RYR2: variants seen among roughly 807,000 people sequenced by gnomAD.
RYR2 encodes ryanodine receptor 2.
Under a neutral mutation model 601.1 loss-of-function variants are expected in RYR2, and 227 were observed. That is an observed-to-expected ratio of 0.38 (90% CI 0.34 to 0.42). The LOEUF is 0.42. RYR2 is among the 10% of genes least tolerant of loss of function. The pLI, the probability that RYR2 is intolerant of heterozygous loss-of-function variation, is 1.00. For missense variants in RYR2, 4,646 were observed against 6,156.5 expected (o/e 0.75, Z 8.21); for synonymous variants, 2,223 against 2,175.1 (o/e 1.02, Z -0.61).
At chr1:237,741,774 G>A (rs1036867512) in intron 79 of RYR2, among the ~76,000 whole-genome samples, 2 of 152,126 alleles carry the variant, frequency 1.3e-5, no homozygotes, top group South Asian at 4.2e-4. Flanking sequence ...GCTAATATTT[G>A]TATTTTTAGT....
Position 237,293,189 on chromosome 1 carries a change from C to T in RYR2, c.168+22573C>T, listed in dbSNP as rs528016547. Reference sequence around the variant, plus strand: ...TTGATGCCTTGGCTGCATAAGACTGCCCTCTACTTCAATTTAATTTTTCTT... The same window carrying T: ...TTGATGCCTTGGCTGCATAAGACTGTCCTCTACTTCAATTTAATTTTTCTT... On this transcript the variant is annotated intron_variant, in intron 2 of 104. Transcript: ENST00000366574. Among the ~76,000 whole-genome samples the T allele has an allele frequency of 2.1e-4, 32 of 152,074 alleles. 2 individuals carry two copies. The highest frequency in any genetic ancestry group is 6.5e-5 in the Admixed American group (1 of 15,290).
chr1:237,299,541 A>T (rs1475125998), intron 2 of RYR2, among the ~76,000 whole-genome samples: 10 of 152,218 alleles, frequency 6.6e-5, no homozygotes, highest in Non-Finnish European at 1.3e-4. Context: ...TCTGGGCCAG[A>T]AGAGGTTTCC....
At chr1:237,816,920 C>T (rs763213950) in intron 100 of RYR2, among the ~76,000 whole-genome samples, 8 of 152,064 alleles carry the variant, frequency 5.3e-5, no homozygotes, top group Non-Finnish European at 1.0e-4. Flanking sequence ...CAGAGATTGA[C>T]TCAGTAGGTA....
chr1:237,136,381 T>A (rs974962245), intron 1 of RYR2, among the ~76,000 whole-genome samples: 7 of 152,180 alleles, frequency 4.6e-5, no homozygotes, highest in African/African-American at 1.7e-4. Context: ...CGTAGTTACC[T>A]GGGCTATATA....
rs1679462454 is a variant in RYR2, at chr1:237,624,756, T to C, written c.6022+886T>C. The stretch of plus-strand genomic sequence containing the variant: ...GGTATTCTGGACGTGTGTGTGTTTT[T>C]ATTCCTTTATGCAGTGGTGTGGATA... On this transcript the variant is annotated intron_variant, in intron 39 of 104. Coordinates refer to ENST00000366574, the MANE Select transcript of RYR2 (RefSeq NM_001035.3). 2.6e-5 allele frequency among the ~76,000 whole-genome samples: 4 copies of C among 152,224 alleles called. No individual in the cohort carries two copies. In the South Asian group the frequency reaches 6.2e-4, roughly 24 times the overall value.
intron 1 of RYR2, among the ~76,000 whole-genome samples, chr1:237,262,087 ATGT>A (rs1032714100): frequency 2.6e-5 from 4 of 151,960 alleles, no homozygotes; most frequent in African/African-American, 9.7e-5. Flanking sequence ...GGAACTGTTG[ATGT>A]TGTTTGAGAA....
At chr1:237,318,749 T>C (rs916920121) in intron 2 of RYR2, among the ~76,000 whole-genome samples, 2 of 152,172 alleles carry the variant, frequency 1.3e-5, no homozygotes, top group African/African-American at 4.8e-5. Context: ...TGTCTGACTG[T>C]CATGCAAACA....
chr1:237,235,699 A>G (rs1250186892), intron 1 of RYR2, among the ~76,000 whole-genome samples: 1 of 152,204 alleles, frequency 6.6e-6, no homozygotes, highest in East Asian at 1.9e-4. Flanking sequence ...TATATAACCC[A>G]AGTAACAAGT....
chr1:237,081,528 T>C (rs1001729856), intron 1 of RYR2, among the ~76,000 whole-genome samples: 4 of 143,698 alleles, frequency 2.8e-5, no homozygotes, highest in East Asian at 2.0e-4. Context: ...TATATATATA[T>C]ACATGCATGT....
At chr1:237,090,601 A>G (rs936390144) in intron 1 of RYR2, among the ~76,000 whole-genome samples, 4 of 152,246 alleles carry the variant, frequency 2.6e-5, no homozygotes, top group Non-Finnish European at 4.4e-5. Flanking sequence ...TTAAGACATT[A>G]TGTTTGCAGT....
intron 10 of RYR2, among the ~76,000 whole-genome samples, chr1:237,399,536 A>G (rs1337536086): frequency 1.3e-5 from 2 of 152,218 alleles, no homozygotes; most frequent in African/African-American, 4.8e-5. Flanking sequence ...ACCAGTACTC[A>G]GGAAAAAGTT....
intron 49 of RYR2, 106 bp from the exon 50 acceptor site, chr1:237,649,771 T>A: frequency 1.1e-6 from 1 of 882,484 alleles, no homozygotes; most frequent in East Asian, 2.4e-5. Flanking sequence ...TGTGTCATAG[T>A]GCTATCATCT....
At chr1:237,087,489 G>A (rs1377543054) in intron 1 of RYR2, among the ~76,000 whole-genome samples, 1 of 152,166 alleles carries the variant, frequency 6.6e-6, no homozygotes, top group Non-Finnish European at 1.5e-5. Context: ...AATGTGAGAA[G>A]TATAATGAGT....
intron 92 of RYR2, among the ~76,000 whole-genome samples, chr1:237,790,115 A>G (rs981557359): frequency 1.3e-5 from 2 of 152,186 alleles, no homozygotes; most frequent in South Asian, 4.1e-4. Flanking sequence ...GACATCTCCC[A>G]CTTAATATTA....
chr1:237,704,985 A>C (rs1342413169), intron 66 of RYR2, among the ~76,000 whole-genome samples: 1 of 152,214 alleles, frequency 6.6e-6, no homozygotes, highest in Non-Finnish European at 1.5e-5. Flanking sequence ...ATGAGGAAAT[A>C]AGTTGACAGA....
intron 2 of RYR2, among the ~76,000 whole-genome samples, chr1:237,309,934 C>T (rs1016283676): frequency 7.2e-5 from 11 of 152,198 alleles, no homozygotes; most frequent in Admixed American, 2.0e-4. Context: ...CGGGACCCGC[C>T]GAGCCCACGC....
At chr1:237,195,679 G>A (rs1680483127) in intron 1 of RYR2, among the ~76,000 whole-genome samples, 1 of 152,080 alleles carries the variant, frequency 6.6e-6, no homozygotes, top group Non-Finnish European at 1.5e-5. Flanking sequence ...ATCATATTTG[G>A]CATCAAATTG....
intron 34 of RYR2, 54 bp downstream of exon 34, chr1:237,595,711 A>G: frequency 6.5e-7 from 1 of 1,543,224 alleles, no homozygotes; most frequent in Non-Finnish European, 8.7e-7. Flanking sequence ...TCTTTCCCCC[A>G]TTAAAGGAAA....
Position 237,537,806 on chromosome 1 carries a change from A to G in RYR2, c.2906+7296A>G, listed in dbSNP as rs557378197. ...GTTTAAGAACATAAAATATAATTCT[A>G]CAGATAATTCATAGAGCCAGATATA... On this transcript the variant is annotated intron_variant, in intron 25 of 104. Transcript: ENST00000366574. Among the ~76,000 whole-genome samples the G allele has an allele frequency of 2.6e-5, 4 of 152,328 alleles. No individual in the cohort carries two copies. The East Asian group carries it at 5.8e-4, about 22-fold the overall frequency.
Sources: gnomAD v4.1 joint callset for allele counts (sites outside exome capture counted in the v4.1 genomes callset) on GRCh38, gnomAD v4.1.1 for gene constraint, MANE v1.5 for transcripts, NCBI Gene and HGNC (gene_info 2026-07-23, HGNC 2026-07-21) for gene names.